The following COL22A1 variants were observed in gnomAD, a reference collection of about 807,000 sequenced individuals.
The protein encoded by COL22A1 is collagen alpha-1(XXII) chain.
COL22A1 carries 221 observed loss-of-function variants against 248.9 expected under a neutral mutation model. The observed-to-expected ratio is 0.89, with a 90% confidence interval of 0.80 to 0.99. The LOEUF is 0.99. Ranked by LOEUF, COL22A1 falls within the 50% of genes least tolerant of loss-of-function variation. COL22A1 has a pLI of 0.00. For synonymous variants in COL22A1, 891 were observed against 793.4 expected (o/e 1.12, Z -2.07); for missense variants, 2,240 against 2,179.0 (o/e 1.03, Z -0.56).
intron 31 of COL22A1, among the ~76,000 whole-genome samples, chr8:138,702,801 C>T: frequency 6.6e-6 from 1 of 152,130 alleles, no homozygotes; most frequent in Non-Finnish European, 1.5e-5. Context: ...TATTTTCTAA[C>T]AGACGAGAAA....
At chr8:138,837,591 C>A (rs1037053979) in intron 4 of COL22A1, among the ~76,000 whole-genome samples, 1 of 152,162 alleles carries the variant, frequency 6.6e-6, no homozygotes, top group African/African-American at 2.4e-5. Flanking sequence ...ACTGACTGGG[C>A]CCCATACAAC....
intron 9 of COL22A1, among the ~76,000 whole-genome samples, chr8:138,809,677 C>T (rs1029249263): frequency 2.0e-5 from 3 of 151,978 alleles, no homozygotes; most frequent in South Asian, 2.1e-4. Context: ...CACACCACCA[C>T]GCCTGGCTAA....
At chr8:138,692,020 G>T (rs1211648131) in intron 35 of COL22A1, among the ~76,000 whole-genome samples, 3 of 149,866 alleles carry the variant, frequency 2.0e-5, no homozygotes, top group Non-Finnish European at 4.4e-5. Context: ...TTCTGGAGGT[G>T]TATGCATGCG....
At chr8:138,822,161 C>T (rs764405922) in intron 6 of COL22A1, among the ~76,000 whole-genome samples, 6 of 152,016 alleles carry the variant, frequency 3.9e-5, no homozygotes, top group African/African-American at 1.2e-4. Context: ...TCTCTTCTCC[C>T]GCCTTAGTCT....
intron 22 of COL22A1, among the ~76,000 whole-genome samples, chr8:138,748,255 C>T (rs1325089047): frequency 1.3e-5 from 2 of 152,178 alleles, no homozygotes; most frequent in Non-Finnish European, 2.9e-5. Context: ...CTGTAGTCTT[C>T]CTCAGTCTCC....
At chr8:138,855,089 A>T (rs75461529) in intron 3 of COL22A1, among the ~76,000 whole-genome samples, 1 of 152,122 alleles carries the variant, frequency 6.6e-6, no homozygotes, top group African/African-American at 2.4e-5. Flanking sequence ...AGCTTCCTCA[A>T]TTATAAAATA....
chr8:138,632,083 C>T (rs1820773509), intron 49 of COL22A1, among the ~76,000 whole-genome samples: 1 of 152,154 alleles, frequency 6.6e-6, no homozygotes, highest in African/African-American at 2.4e-5. Flanking sequence ...AGTCATGTAA[C>T]ATCTCTCAAC....
At chr8:138,660,031 G>T (rs965899585) in intron 44 of COL22A1, among the ~76,000 whole-genome samples, 3 of 152,316 alleles carry the variant, frequency 2.0e-5, no homozygotes, top group South Asian at 2.1e-4. Flanking sequence ...TGCCTGGGAG[G>T]TTAAACCCCT....
chr8:138,814,320 C>T (rs1273087685), intron 7 of COL22A1, among the ~76,000 whole-genome samples: 3 of 152,252 alleles, frequency 2.0e-5, no homozygotes, highest in African/African-American at 7.2e-5. Flanking sequence ...TTTTCAAATA[C>T]ATCCACAGAT....
intron 47 of COL22A1, among the ~76,000 whole-genome samples, chr8:138,643,225 T>C (rs916136405): frequency 6.6e-6 from 1 of 152,202 alleles, no homozygotes. Context: ...TACACTTTCC[T>C]GATACCTTTC....
intron 9 of COL22A1, among the ~76,000 whole-genome samples, chr8:138,808,986 A>C (rs1383568204): frequency 2.0e-5 from 3 of 152,258 alleles, no homozygotes; most frequent in African/African-American, 7.2e-5. Flanking sequence ...GTTTTAAACC[A>C]CTGGAAACAA....
intron 6 of COL22A1, among the ~76,000 whole-genome samples, chr8:138,822,735 G>A (rs1291577814): frequency 6.6e-6 from 1 of 152,110 alleles, no homozygotes; most frequent in Non-Finnish European, 1.5e-5. Context: ...CAGTGAGCAG[G>A]AAGAGAGAGA....
chr8:138,870,542 A>G (rs1823253649), intron 3 of COL22A1, among the ~76,000 whole-genome samples: 1 of 150,346 alleles, frequency 6.7e-6, no homozygotes, highest in South Asian at 2.1e-4. Flanking sequence ...CTAGATATAG[A>G]CTGTGTGTAT....
intron 49 of COL22A1, 95 bp from the exon 50 acceptor site, chr8:138,630,843 G>T: frequency 9.3e-7 from 1 of 1,080,218 alleles, no homozygotes; most frequent in Non-Finnish European, 1.4e-6. Context: ...GATATGGTTG[G>T]TTATCTGTCC....
chr8:138,809,522 C>CTTTTTTTTTTTTTTTTTT (rs1405048013), intron 9 of COL22A1, among the ~76,000 whole-genome samples: 3 of 77,962 alleles, frequency 3.8e-5, no homozygotes, highest in Admixed American at 2.5e-4. Context: ...CTCTTTTTTT[C>CTTTTTTTTTTTTTTTTTT]TTTTTCTTTT....
intron 12 of COL22A1, among the ~76,000 whole-genome samples, chr8:138,785,481 G>A (rs540139607): frequency 2.0e-5 from 3 of 152,236 alleles, no homozygotes; most frequent in African/African-American, 7.2e-5. Flanking sequence ...GCATGCGCTA[G>A]ATAGTGCCTC....
chr8:138,901,966 T>C (rs1277948239), intron 1 of COL22A1, among the ~76,000 whole-genome samples: 1 of 151,698 alleles, frequency 6.6e-6, no homozygotes, highest in Non-Finnish European at 1.5e-5. Context: ...ATGAGTCAAA[T>C]GGACACCACA....
chr8:138,775,635 A>G (rs1814372059), intron 16 of COL22A1, among the ~76,000 whole-genome samples: 1 of 152,302 alleles, frequency 6.6e-6, no homozygotes, highest in East Asian at 1.9e-4. Flanking sequence ...TGAGGCAGCA[A>G]CTGGGACTTT....
chr8:138,705,158 G>A (rs897032880), intron 30 of COL22A1, among the ~76,000 whole-genome samples: 1 of 152,186 alleles, frequency 6.6e-6, no homozygotes, highest in Non-Finnish European at 1.5e-5. Context: ...ACACCTGATT[G>A]GTGTACCTGA....
Sources: allele counts gnomAD v4.1 joint callset (sites outside exome capture counted in the v4.1 genomes callset), GRCh38; gene constraint gnomAD v4.1.1; transcripts MANE v1.5; gene names NCBI Gene and HGNC (gene_info 2026-07-23, HGNC 2026-07-21).